NBEAL1: variants seen among roughly 807,000 people sequenced by gnomAD.
NBEAL1 encodes the protein neurobeachin like 1, also known as neurobeachin-like protein 1.
NBEAL1 carries 273 observed loss-of-function variants against 351.3 expected under a neutral mutation model. The observed-to-expected ratio is 0.78, with a 90% CI of 0.70 to 0.86. NBEAL1 has a LOEUF of 0.86. Ranked by LOEUF, NBEAL1 falls within the 40% of genes least tolerant of loss-of-function variation. The pLI is 0.00. For synonymous variants in NBEAL1, 1,050 were observed against 1,086.4 expected, an observed-to-expected ratio of 0.97 and a Z score of 0.66; for missense variants, 2,961 against 3,201.3, an observed-to-expected ratio of 0.92 and a Z score of 1.81.
At chr2:203,123,888 A>T (rs1436848480) in intron 19 of NBEAL1, among the ~76,000 whole-genome samples, 1 of 152,092 alleles carries the variant, frequency 6.6e-6, no homozygotes, top group East Asian at 1.9e-4. Flanking sequence ...GCAACAGATT[A>T]TCAAGAGAAA....
At chr2:203,067,813 A>C (rs189906331) in intron 6 of NBEAL1, among the ~76,000 whole-genome samples, 13 of 152,334 alleles carry the variant, frequency 8.5e-5, no homozygotes, top group Admixed American at 5.2e-4. Flanking sequence ...TTTTGTATCA[A>C]ATTGAAATGT....
intron 6 of NBEAL1, among the ~76,000 whole-genome samples, chr2:203,064,371 T>C (rs765933096): frequency 6.6e-6 from 1 of 152,144 alleles, no homozygotes; most frequent in Non-Finnish European, 1.5e-5. Flanking sequence ...GGTTTTAAAA[T>C]GTCTCCCCAC....
chr2:203,128,400 G>A (rs1188223649), intron 24 of NBEAL1, among the ~76,000 whole-genome samples: 3 of 150,040 alleles, frequency 2.0e-5, no homozygotes, highest in South Asian at 2.1e-4. Flanking sequence ...GAGCCACCAC[G>A]CCAGGCCAGA....
chr2:203,115,917 C>A, intron 17 of NBEAL1, 68 bp from the exon 18 acceptor site: 1 of 1,015,862 alleles, frequency 9.8e-7, no homozygotes, highest in Non-Finnish European at 1.5e-6. Flanking sequence ...AAATTTTATT[C>A]TGATAACACA....
chr2:203,213,142 A>C (rs1474572407), intron 54 of NBEAL1, among the ~76,000 whole-genome samples: 2 of 152,230 alleles, frequency 1.3e-5, no homozygotes. Context: ...ATAAATGATG[A>C]ATGTAATAAT....
intron 15 of NBEAL1, among the ~76,000 whole-genome samples, chr2:203,111,474 A>G (rs1032080819): frequency 6.6e-6 from 1 of 151,942 alleles, no homozygotes; most frequent in African/African-American, 2.4e-5. Context: ...GAGTTCAAGC[A>G]ATTTTCCTAT....
At chr2:203,189,330 A>C (rs1170852004) in intron 45 of NBEAL1, among the ~76,000 whole-genome samples, 1 of 152,206 alleles carries the variant, frequency 6.6e-6, no homozygotes, top group Non-Finnish European at 1.5e-5. Context: ...ATCATAACCA[A>C]AACAATTAGG....
Position 203,126,100 on chromosome 2 carries a change from C to A in NBEAL1, c.2985+7C>A. ...TGGTGCTTTACTTCAGAAGGTGAGC[C>A]AGTCTAACATTGTGTTGATGTAGCT... On this transcript the variant is annotated splice_region_variant and intron_variant, in intron 21 of 55. Coordinates refer to ENST00000683969, the MANE Select transcript of NBEAL1 (RefSeq NM_001378026.1). 1 of 1,539,946 alleles carries A rather than the reference C, an allele frequency of 6.5e-7. No homozygotes were observed. The highest frequency in any genetic ancestry group is 8.7e-7 in the Non-Finnish European group (1 of 1,142,918).
At position 203,209,277 on chromosome 2, in the gene NBEAL1, A is replaced by G. The variant is rs2065703835; in HGVS notation, c.7740A>G (p.Gly2580=). The G allele has an allele frequency of 3.7e-6, 6 of 1,614,004 alleles. No individual in the cohort carries two copies. Among genetic ancestry groups the G allele is most frequent in the Non-Finnish European group, 5.1e-6 (6 of 1,179,908 alleles). ...TIPNLAISWE[G]HIVVYSSTEE... ...CTAATTTGGCTATATCTTGGGAAGGACATATTGTTGTCTACTCCAGCACTG... is the reference window on the plus strand; with the variant it reads ...CTAATTTGGCTATATCTTGGGAAGGGCATATTGTTGTCTACTCCAGCACTG... Residue 2580 remains glycine, a synonymous_variant, in exon 53 of 56, where the codon GGA becomes GGG. Transcript: ENST00000683969.
intron 9 of NBEAL1, among the ~76,000 whole-genome samples, chr2:203,083,763 C>T (rs2106166215): frequency 6.6e-6 from 1 of 152,140 alleles, no homozygotes; most frequent in Middle Eastern, 3.4e-3. Flanking sequence ...GTGTAATCTC[C>T]TAAAAGCATC....
In NBEAL1 at chr2:203,188,572, A is replaced by C; in HGVS notation, c.6806A>C (p.Tyr2269Ser). 6.3e-7 allele frequency: 1 copy of C among 1,596,006 alleles called. No individual in the cohort carries two copies. Among genetic ancestry groups the C allele is most frequent in the Non-Finnish European group, 8.6e-7 (1 of 1,167,596 alleles). ...GCAGTAGAGGCACTCAACGTTTTCT[A>C]TTATTGTAGTTATGAAGGTATAAAT... Reference protein sequence around the residue: ...PAAVEALNVFYYCSYEGAVDL... With the variant: ...PAAVEALNVFSYCSYEGAVDL... Residue 2269 changes from tyrosine (Y) to serine (S), a missense_variant, in exon 45 of 56, where the codon TAT becomes TCT. Transcript: ENST00000683969.
At chr2:203,043,684 G>C (rs546499256) in intron 3 of NBEAL1, among the ~76,000 whole-genome samples, 2 of 150,762 alleles carry the variant, frequency 1.3e-5, no homozygotes, top group East Asian at 3.9e-4. Context: ...TGCTGTGATC[G>C]TGCCACTGCA....
rs535391178 is a variant in NBEAL1 at position 203,039,421 on chromosome 2, C to T, written c.52-2344C>T. Reference sequence around the variant, plus strand: ...CTGTCCTGTCTTGTCCTGTCCTTTCCGAGATAGAGTCTTGCTTTGTTGCTC... The same window carrying T: ...CTGTCCTGTCTTGTCCTGTCCTTTCTGAGATAGAGTCTTGCTTTGTTGCTC... On this transcript the variant is annotated intron_variant, in intron 2 of 55. Transcript: ENST00000683969. Among the ~76,000 whole-genome samples the T allele has an allele frequency of 4.3e-5, 6 of 141,016 alleles. 1 individual carries two copies. The highest frequency in any genetic ancestry group is 2.0e-4 in the East Asian group (1 of 4,970). The allele number at this position is 141,016 out of a possible 152,430, so 92.5% of individuals were successfully genotyped here.
chr2:203,213,583 A>G lies in NBEAL1; in HGVS notation c.8000A>G (p.Glu2667Gly). The G allele has an allele frequency of 6.2e-7, 1 of 1,614,082 alleles. No individual in the cohort carries two copies. The highest frequency in any genetic ancestry group is 1.1e-5 in the South Asian group (1 of 91,072). The change falls in exon 55 of 56, where the codon GAA becomes GGA. Residue 2667 changes from glutamate (E) to glycine (G), a missense_variant. Coordinates refer to ENST00000683969, the MANE Select transcript of NBEAL1 (RefSeq NM_001378026.1). Reference protein sequence around the residue: ...LPIHCVCVTKEYSHILVGLED... With the variant: ...LPIHCVCVTKGYSHILVGLED... ...ATCCATTGTGTTTGTGTCACCAAAGAATACAGCCATATTCTTGTAGGTTTA... is the reference window on the plus strand; with the variant it reads ...ATCCATTGTGTTTGTGTCACCAAAGGATACAGCCATATTCTTGTAGGTTTA...
rs2065937361 is a variant in NBEAL1, at chr2:203,219,945, T to C, written c.*2591T>C. The C allele has an allele frequency of 6.6e-6, 1 of 152,136 alleles. No homozygotes were observed. Among genetic ancestry groups the C allele is most frequent in the East Asian group, 1.9e-4 (1 of 5,192 alleles). The allele number at this position is 152,136 out of a possible 1,614,324, so 9.4% of individuals were successfully genotyped here. The stretch of plus-strand genomic sequence containing the variant: ...GAGAATGGAACTTAAATTTTATCTG[T>C]TAAAAGAAGCAAACAACTATTAGTG... On this transcript the variant is annotated 3_prime_UTR_variant, in exon 56 of 56. Transcript: ENST00000683969.
chr2:203,031,046 C>G (rs1559319132), intron 2 of NBEAL1, among the ~76,000 whole-genome samples: 12 of 152,164 alleles, frequency 7.9e-5, no homozygotes, highest in Admixed American at 5.9e-4. Flanking sequence ...TATGCCATTA[C>G]TTTATGTAAC....
intron 10 of NBEAL1, among the ~76,000 whole-genome samples, chr2:203,092,653 A>T (rs1188346610): frequency 6.6e-6 from 1 of 152,204 alleles, no homozygotes; most frequent in Non-Finnish European, 1.5e-5. Flanking sequence ...TTTGTAAATG[A>T]AACTACTTCA....
At chr2:203,086,691 T>C (rs2061966880) in intron 10 of NBEAL1, among the ~76,000 whole-genome samples, 1 of 152,140 alleles carries the variant, frequency 6.6e-6, no homozygotes, top group African/African-American at 2.4e-5. Context: ...CCTGCCACCA[T>C]GCCTGGCTAA....
intron 50 of NBEAL1, 113 bp from the exon 51 acceptor site, chr2:203,202,574 T>A (rs1359634506): frequency 1.5e-6 from 1 of 685,232 alleles, no homozygotes; most frequent in Admixed American, 2.2e-5. Context: ...TCTACATTCC[T>A]CCCTGTTGGC....
Sources: gnomAD v4.1 joint callset for allele counts (sites outside exome capture counted in the v4.1 genomes callset) on GRCh38, gnomAD v4.1.1 for gene constraint, MANE v1.5 for transcripts, NCBI Gene and HGNC (gene_info 2026-07-23, HGNC 2026-07-21) for gene names.